PLXNA1: variants seen among roughly 807,000 people sequenced by gnomAD.
The protein encoded by PLXNA1 is plexin-A1.
A neutral mutation model predicts 191.7 loss-of-function variants in PLXNA1; 77 were observed. The ratio of observed to expected loss-of-function variants is 0.40; its 90% confidence interval spans 0.33 to 0.49. The LOEUF is 0.49. Ranked by LOEUF, PLXNA1 falls within the 20% of genes least tolerant of loss-of-function variation. The probability of loss-of-function intolerance (pLI) is 0.63; values close to 1 mark genes in which losing one functional copy is unlikely to be tolerated. For missense variants in PLXNA1, 2,110 were observed against 2,660.2 expected (o/e 0.79, Z 4.55); for synonymous variants, 1,137 against 1,156.4 (o/e 0.98, Z 0.34).
chr3:127,022,761 G>C lies in PLXNA1; in HGVS notation c.4305G>C (p.Ser1435=). ...ATTCTGTGCTCCCCAGGACTGAGTC[G>C]GTGGCAGAGAAGATGCTAACTAACT... ...HPKLLLRRTE[S]VAEKMLTNWF... The change falls in exon 23 of 32, where the codon TCG becomes TCC. Residue 1435 remains serine, a synonymous_variant. Transcript: ENST00000393409. The C allele has an allele frequency of 6.2e-7, 1 of 1,613,930 alleles. No individual in the cohort carries two copies. Among genetic ancestry groups the C allele is most frequent in the Non-Finnish European group, 8.5e-7 (1 of 1,179,890 alleles).
chr3:126,990,076 C>A (rs1278337551), intron 2 of PLXNA1, among the ~76,000 whole-genome samples: 4 of 152,238 alleles, frequency 2.6e-5, no homozygotes, highest in African/African-American at 9.6e-5. Context: ...CTGTGGGACA[C>A]TGGACAGAGT....
At chr3:127,021,655 G>T (rs139264570) in intron 21 of PLXNA1, among the ~76,000 whole-genome samples, 35 of 152,322 alleles carry the variant, frequency 2.3e-4, no homozygotes, top group African/African-American at 8.2e-4. Flanking sequence ...CAGTGGATGG[G>T]GGCATTGAGT....
Position 127,030,014 on chromosome 3 carries a change from G to A in PLXNA1, c.5011G>A (p.Gly1671Ser), listed in dbSNP as rs761786021. 12 of 1,613,696 alleles carry A rather than the reference G, an allele frequency of 7.4e-6. No homozygotes were observed. The highest frequency in any genetic ancestry group is 4.5e-5 in the East Asian group (2 of 44,870). Reference sequence around the variant, plus strand: ...CCTGGACCAGCGTGAGGGTGACCGCGGCAGCAAGATGGTCTCGGAGATCTA... The same window carrying A: ...CCTGGACCAGCGTGAGGGTGACCGCAGCAGCAAGATGGTCTCGGAGATCTA... The part of the protein sequence containing the change: ...DHLDQREGDR[G>S]SKMVSEIYLT... Residue 1671 changes from glycine to serine, a missense_variant, in exon 28 of 32, where the codon GGC becomes AGC. This residue lies in a region of PLXNA1 where 559 missense variants were observed against 911.5 expected (regional missense o/e 0.61). Transcript: ENST00000393409.
chr3:126,989,412 C>T lies in PLXNA1; in HGVS notation c.819C>T (p.Ala273=), dbSNP rs1283981081. 10 of 1,613,432 alleles carry T rather than the reference C, an allele frequency of 6.2e-6. No individual in the cohort carries two copies. Among genetic ancestry groups the T allele is most frequent in the South Asian group, 2.2e-5 (2 of 91,086 alleles). ...LDTQLTSPDA[A]GEHFFTSKIV... The stretch of plus-strand genomic sequence containing the variant: ...CACAGCTGACCTCGCCTGATGCCGC[C>T]GGCGAGCACTTCTTCACGTCCAAGA... The change falls in exon 2 of 32, where the codon GCC becomes GCT. Residue 273 remains alanine, a synonymous_variant. Coordinates refer to ENST00000393409, the MANE Select transcript of PLXNA1 (RefSeq NM_032242.4).
intron 23 of PLXNA1, chr3:127,027,585 G>A (rs1030793824): frequency 1.8e-5 from 8 of 441,798 alleles, no homozygotes; most frequent in Non-Finnish European, 3.6e-5. Context: ...GGAGCTAGGC[G>A]GGGATCCTGC....
In PLXNA1 at chr3:127,034,241, CAG is replaced by C. The variant is rs1280023802; in HGVS notation, c.*225_*226del. Reference sequence around the variant, plus strand: ...ACAGCTGCGCACACAGCTGCTTGCTCAGGGGCCGGGACAGCACTGGGTGCTCA... The same window carrying C: ...ACAGCTGCGCACACAGCTGCTTGCTCGGGCCGGGACAGCACTGGGTGCTCA... On this transcript the variant is annotated 3_prime_UTR_variant, in exon 32 of 32. Transcript: ENST00000393409. 3 of 499,784 alleles carry C rather than the reference CAG, an allele frequency of 6.0e-6. No homozygotes were observed. The highest frequency in any genetic ancestry group is 1.1e-5 in the Non-Finnish European group (3 of 279,104). 31.0% of individuals were successfully genotyped at this position (499,784 alleles called of 1,614,324 possible). A position where few individuals can be genotyped will look rare whatever the true frequency, so the allele number is the denominator to read the frequency against.
chr3:127,033,809 AGG>A, intron 31 of PLXNA1, 111 bp from the exon 32 acceptor site: 4 of 848,202 alleles, frequency 4.7e-6, no homozygotes, highest in Non-Finnish European at 7.4e-6. Flanking sequence ...TCCTTTGGCC[AGG>A]GGTAGATGGG....
At chr3:127,005,333 G>A in intron 7 of PLXNA1, 90 bp downstream of exon 7, 1 of 1,429,324 alleles carries the variant, frequency 7.0e-7, no homozygotes, top group South Asian at 1.4e-5. Context: ...CCCTTGTTCA[G>A]TTCCAAGGGC....
chr3:126,993,634 G>C (rs930755404), intron 3 of PLXNA1, among the ~76,000 whole-genome samples: 4 of 152,236 alleles, frequency 2.6e-5, no homozygotes, highest in Admixed American at 6.5e-5. Context: ...AACAAGTCTG[G>C]GCTGGGTGCC....
intron 15 of PLXNA1, among the ~76,000 whole-genome samples, chr3:127,015,867 C>G (rs2079120226): frequency 6.6e-6 from 1 of 152,078 alleles, no homozygotes; most frequent in African/African-American, 2.4e-5. Flanking sequence ...AGTGGGGTGT[C>G]CCCGTGACCC....
rs759456679 is a variant in PLXNA1, at chr3:127,014,862, TCTCTGCTG to T, written c.2877+37_2877+44del. The T allele has an allele frequency of 1.9e-6, 3 of 1,602,594 alleles. No homozygotes were observed. The South Asian group carries it at 3.3e-5, about 18-fold the overall frequency. ...TCTGCTGCCCTCCCTCTCTCCCTAT[TCTCTGCTG>T]CTCTGAGAGGGTGCCGCTCAGGGCT... On this transcript the variant is annotated intron_variant, in intron 14 of 31. Transcript: ENST00000393409.
intron 31 of PLXNA1, 112 bp from the exon 32 acceptor site, chr3:127,033,809 AG>A (rs979024755): frequency 3.5e-6 from 3 of 848,084 alleles, no homozygotes; most frequent in African/African-American, 3.4e-5. Flanking sequence ...TCCTTTGGCC[AG>A]GGGTAGATGG....
At chr3:127,019,504 C>A (rs1388063515) in intron 20 of PLXNA1, among the ~76,000 whole-genome samples, 1 of 152,222 alleles carries the variant, frequency 6.6e-6, no homozygotes, top group Non-Finnish European at 1.5e-5. Flanking sequence ...TGTGTGGATG[C>A]AGTGGCTGGT....
In PLXNA1 at chr3:126,988,742, G is replaced by A. The variant is rs775347526; in HGVS notation, c.149G>A (p.Gly50Asp). 1.9e-6 allele frequency: 3 copies of A among 1,589,312 alleles called. No individual in the cohort carries two copies. In the South Asian group the frequency reaches 3.4e-5, roughly 18 times the overall value. ...CGCACCTTCTCGGCCAGCGACTGGG[G>A]CCTCACCCACCTAGTGGTGCATGAG... is the stretch of plus-strand genomic sequence containing the variant. ...PFRTFSASDW[G>D]LTHLVVHEQT... Residue 50 changes from glycine (G) to aspartate (D), a missense_variant, in exon 2 of 32, where the codon GGC becomes GAC. Gly to Asp is a moderately conservative substitution (Grantham distance 94). Coordinates refer to ENST00000393409, the MANE Select transcript of PLXNA1 (RefSeq NM_032242.4).
rs146246704 is a variant in PLXNA1, at chr3:126,989,439, C to A, written c.846C>A (p.Ile282=). The change falls in exon 2 of 32, where the codon ATC becomes ATA. Residue 282 remains isoleucine, a synonymous_variant. Coordinates refer to ENST00000393409, the MANE Select transcript of PLXNA1 (RefSeq NM_032242.4). ...GCGAGCACTTCTTCACGTCCAAGAT[C>A]GTGCGGCTCTGTGTGGACGACCCCA... The part of the protein sequence containing the change: ...AAGEHFFTSK[I]VRLCVDDPKF... 3.2e-5 allele frequency: 51 copies of A among 1,613,608 alleles called. No individual in the cohort carries two copies. The African/African-American group carries it at 4.0e-4, about 13-fold the overall frequency.
chr3:127,010,452 C>T (rs1242135279), intron 9 of PLXNA1, among the ~76,000 whole-genome samples: 1 of 152,108 alleles, frequency 6.6e-6, no homozygotes, highest in African/African-American at 2.4e-5. Flanking sequence ...GGTTCTCACT[C>T]AGCTGGGTGT....
intron 10 of PLXNA1, among the ~76,000 whole-genome samples, chr3:127,013,650 C>T (rs1056668817): frequency 9.9e-5 from 15 of 152,254 alleles, no homozygotes; most frequent in Admixed American, 4.6e-4. Flanking sequence ...AGCAAAGATG[C>T]TGAGGTACAC....
At chr3:126,992,134 T>C (rs867614167) in intron 3 of PLXNA1, among the ~76,000 whole-genome samples, 1 of 152,086 alleles carries the variant, frequency 6.6e-6, no homozygotes, top group Non-Finnish European at 1.5e-5. Flanking sequence ...GAGGGCTAGG[T>C]GCTACAGGGA....
chr3:126,991,982 C>T (rs1194433135), intron 3 of PLXNA1, among the ~76,000 whole-genome samples: 2 of 152,272 alleles, frequency 1.3e-5, no homozygotes, highest in Admixed American at 6.5e-5. Flanking sequence ...AGCACTCTGC[C>T]GGGCCAGAGG....
Sources: gnomAD v4.1 joint callset for allele counts (sites outside exome capture counted in the v4.1 genomes callset) on GRCh38, gnomAD v4.1.1 for gene constraint, gnomAD v4.1.1 regional missense constraint, MANE v1.5 for transcripts, NCBI Gene and HGNC (gene_info 2026-07-23, HGNC 2026-07-21) for gene names.